Variants in LNX2 observed in about 807,000 individuals in gnomAD.
The protein encoded by LNX2 is ligand of numb-protein X 2.
A neutral mutation model predicts 66.2 loss-of-function variants in LNX2; 35 were observed. That is an observed-to-expected ratio of 0.53 (90% CI 0.40 to 0.70). LNX2 has a LOEUF of 0.70. Ranked by LOEUF, LNX2 falls within the 30% of genes least tolerant of loss-of-function variation. The probability of loss-of-function intolerance (pLI) is 0.00; values close to 1 mark genes in which losing one functional copy is unlikely to be tolerated. For missense variants in LNX2, 791 were observed against 850.8 expected (o/e 0.93, Z 0.87); for synonymous variants, 337 against 315.6 (o/e 1.07, Z -0.72).
intron 9 of LNX2, 148 bp from the exon 10 acceptor site, chr13:27,548,618 GC>G (rs1448830537): frequency 2.3e-6 from 2 of 868,470 alleles, no homozygotes; most frequent in East Asian, 2.7e-5. Context: ...GTCTGGGACA[GC>G]CCTTAAGCCT....
chr13:27,593,104 C>T (rs1475081107), intron 1 of LNX2, among the ~76,000 whole-genome samples: 3 of 152,088 alleles, frequency 2.0e-5, no homozygotes, highest in African/African-American at 7.2e-5. Context: ...ATTTTTCACC[C>T]CCATGTTTAC....
At chr13:27,620,711 G>T, upstream of LNX2, 1 of 152,464 alleles carries the variant, frequency 6.6e-6, no homozygotes, top group South Asian at 2.0e-4. Context: ...CGGGCCAGAA[G>T]GGACCCGTCA....
intron 1 of LNX2, among the ~76,000 whole-genome samples, chr13:27,603,898 T>C (rs1456771190): frequency 2.0e-5 from 3 of 151,320 alleles, no homozygotes; most frequent in African/African-American, 4.9e-5. Context: ...ATCTTATTCA[T>C]ACCACTCTGC....
At chr13:27,577,862 TAG>T (rs1445679688) in intron 2 of LNX2, among the ~76,000 whole-genome samples, 2 of 152,188 alleles carry the variant, frequency 1.3e-5, no homozygotes, top group Non-Finnish European at 2.9e-5. Flanking sequence ...AGATGAGTGG[TAG>T]AGCGTAGGAG....
intron 1 of LNX2, among the ~76,000 whole-genome samples, chr13:27,619,051 G>A (rs749731679): frequency 9.2e-5 from 14 of 152,212 alleles, no homozygotes; most frequent in Non-Finnish European, 1.6e-4. Context: ...TACTTTATCA[G>A]TGGCTAAATG....
chr13:27,614,399 C>T (rs2063687445), intron 1 of LNX2, among the ~76,000 whole-genome samples: 2 of 152,156 alleles, frequency 1.3e-5, no homozygotes, highest in Non-Finnish European at 2.9e-5. Context: ...CACCCAGAAG[C>T]CACTCAGAGC....
intron 7 of LNX2, among the ~76,000 whole-genome samples, chr13:27,554,365 T>G (rs1270928034): frequency 1.3e-5 from 2 of 152,234 alleles, no homozygotes; most frequent in African/African-American, 4.8e-5. Context: ...ACAGTAATTT[T>G]GAGAACATTT....
At chr13:27,566,006 T>A (rs781550361) in intron 4 of LNX2, among the ~76,000 whole-genome samples, 1 of 152,206 alleles carries the variant, frequency 6.6e-6, no homozygotes, top group Non-Finnish European at 1.5e-5. Flanking sequence ...TTCACTCTTT[T>A]ATTGACTCAG....
chr13:27,579,237 A>G lies in LNX2; in HGVS notation c.407+2060T>C, dbSNP rs116442977. On this transcript the variant is annotated intron_variant, in intron 2 of 9. Coordinates refer to ENST00000316334, the MANE Select transcript of LNX2 (RefSeq NM_153371.4). Reference sequence around the variant, plus strand: ...GAATTTCAATGTTCTTATTTAAGAGAACAGAGAAAGGTCAGGCTGTTCATC... The same window carrying G: ...GAATTTCAATGTTCTTATTTAAGAGGACAGAGAAAGGTCAGGCTGTTCATC... Among the ~76,000 whole-genome samples, 244 of 152,352 alleles carry G rather than the reference A, an allele frequency of 1.6e-3. 1 individual carries two copies. Among genetic ancestry groups the G allele is most frequent in the African/African-American group, 5.6e-3 (231 of 41,582 alleles).
chr13:27,583,214 G>T lies in LNX2; in HGVS notation c.-100-1411C>A, dbSNP rs1408992230. On this transcript the variant is annotated intron_variant, in intron 1 of 9. Coordinates refer to ENST00000316334, the MANE Select transcript of LNX2 (RefSeq NM_153371.4). ...TGTGTGTGTGTGTGTGTGTGTGTGT[G>T]TGTGTGTGTGTGTGTGTGTGTGTGT... Among the ~76,000 whole-genome samples the T allele has an allele frequency of 4.7e-3, 79 of 16,928 alleles. 15 individuals carry two copies. The highest frequency in any genetic ancestry group is 0.043 in the African/African-American group (70 of 1,628). 11.1% of individuals were successfully genotyped at this position (16,928 alleles called of 152,430 possible).
At chr13:27,557,337 T>C (rs1448346077) in intron 6 of LNX2, among the ~76,000 whole-genome samples, 1 of 152,032 alleles carries the variant, frequency 6.6e-6, no homozygotes, top group African/African-American at 2.4e-5. Context: ...CATGTTAATA[T>C]AGGCAACTGT....
At chr13:27,570,950 A>T (rs1168076595) in intron 2 of LNX2, among the ~76,000 whole-genome samples, 1 of 152,250 alleles carries the variant, frequency 6.6e-6, no homozygotes. Context: ...ACACACAAAA[A>T]TAACTTTTAA....
chr13:27,565,160 T>A (rs1363144310), intron 4 of LNX2, among the ~76,000 whole-genome samples: 1 of 152,222 alleles, frequency 6.6e-6, no homozygotes, highest in Non-Finnish European at 1.5e-5. Context: ...ATATGGTTGA[T>A]AATTTCAGAT....
intron 1 of LNX2, among the ~76,000 whole-genome samples, chr13:27,605,655 T>A (rs1175722175): frequency 6.6e-6 from 1 of 152,174 alleles, no homozygotes; most frequent in Admixed American, 6.5e-5. Flanking sequence ...TGAAACTTTC[T>A]GAGCTCCAGT....
At chr13:27,620,860 G>A (rs1161516064), upstream of LNX2, 1 of 152,758 alleles carries the variant, frequency 6.5e-6, no homozygotes, top group Non-Finnish European at 1.5e-5. Context: ...CCGCCGCCAA[G>A]AGTGGCACAG....
intron 1 of LNX2, among the ~76,000 whole-genome samples, chr13:27,589,502 A>C (rs972355131): frequency 6.6e-6 from 1 of 152,178 alleles, no homozygotes; most frequent in Non-Finnish European, 1.5e-5. Context: ...TGATAACTTT[A>C]ATCTTTTAAA....
intron 1 of LNX2, among the ~76,000 whole-genome samples, chr13:27,586,117 G>GTA (rs1004084270): frequency 4.1e-5 from 6 of 148,046 alleles, no homozygotes; most frequent in Non-Finnish European, 7.4e-5. Context: ...ATATATATAC[G>GTA]TATATATATA....
intron 7 of LNX2, among the ~76,000 whole-genome samples, chr13:27,554,598 G>T (rs375264038): frequency 6.6e-6 from 1 of 152,298 alleles, no homozygotes; most frequent in East Asian, 1.9e-4. Context: ...ATATTTTGCT[G>T]TATGGGTAGA....
chr13:27,591,536 T>C (rs571967635), intron 1 of LNX2, among the ~76,000 whole-genome samples: 1 of 152,344 alleles, frequency 6.6e-6, no homozygotes, highest in African/African-American at 2.4e-5. Context: ...AAACCAACTA[T>C]ATTGAAAAGC....
Sources: gnomAD v4.1 joint callset for allele counts (sites outside exome capture counted in the v4.1 genomes callset) on GRCh38, gnomAD v4.1.1 for gene constraint, MANE v1.5 for transcripts, NCBI Gene and HGNC (gene_info 2026-07-23, HGNC 2026-07-21) for gene names.